SHCBP1L: variants seen among roughly 807,000 people sequenced by gnomAD.
SHCBP1L encodes the protein testicular spindle-associated protein SHCBP1L.
A neutral mutation model predicts 62.5 loss-of-function variants in SHCBP1L; 67 were observed. The ratio of observed to expected loss-of-function variants is 1.07; its 90% CI spans 0.88 to 1.31. The LOEUF is 1.31. SHCBP1L is among the 40% of genes most tolerant of loss of function. SHCBP1L has a pLI of 0.00. For missense variants in SHCBP1L, 823 were observed against 809.8 expected (o/e 1.02, Z -0.20); for synonymous variants, 284 against 289.4 (o/e 0.98, Z 0.19).
chr1:182,947,047 G>A lies in SHCBP1L; in HGVS notation c.555+4271C>T, dbSNP rs547229969. On this transcript the variant is annotated intron_variant, in intron 2 of 9. Coordinates refer to ENST00000367547, the MANE Select transcript of SHCBP1L (RefSeq NM_030933.4). ...AGGTCAAGAGTTCGAGACCAGCCTCGGCAACATGGTGAAACCTCGTCTCTA... is the reference window on the plus strand; with the variant it reads ...AGGTCAAGAGTTCGAGACCAGCCTCAGCAACATGGTGAAACCTCGTCTCTA... Among the ~76,000 whole-genome samples, 133 of 151,982 alleles carry A rather than the reference G, an allele frequency of 8.8e-4. 2 individuals are homozygous for A. The South Asian group carries it at 0.027, about 31-fold the overall frequency.
intron 2 of SHCBP1L, among the ~76,000 whole-genome samples, chr1:182,941,797 G>T (rs1651374444): frequency 6.6e-6 from 1 of 152,002 alleles, no homozygotes; most frequent in African/African-American, 2.4e-5. Context: ...TGTATTATAG[G>T]ATATAAAAAC....
chr1:182,924,903 GAGAA>G (rs1452948941), intron 6 of SHCBP1L, among the ~76,000 whole-genome samples: 16 of 115,492 alleles, frequency 1.4e-4, no homozygotes, highest in South Asian at 2.9e-4. Flanking sequence ...AAGAGAGAGA[GAGAA>G]AGAAAGGAAA....
intron 2 of SHCBP1L, among the ~76,000 whole-genome samples, chr1:182,948,001 T>C (rs1651617779): frequency 6.6e-6 from 1 of 152,238 alleles, no homozygotes; most frequent in Non-Finnish European, 1.5e-5. Context: ...AATAACATTT[T>C]CTTTTCTCTA....
chr1:182,900,060 G>A lies in SHCBP1L; in HGVS notation c.1885C>T (p.Gln629Ter), dbSNP rs1428481898. The change falls in exon 10 of 10, where the codon CAA (glutamine) becomes TAA (stop). Residue 629 changes from glutamine to a stop codon, truncating the protein, a stop_gained. Transcript: ENST00000367547. LOFTEE classifies it high-confidence loss of function. ...TTATTCATTTCCAGATTCAGATTTT[G>A]CATTACTTTGAAGAGCATTTTATCA... Reference protein sequence around the residue: ...KDDKMLFKVMQNLNLEMNNNK... With the variant: ...KDDKMLFKVM The A allele has an allele frequency of 6.2e-7, 1 of 1,612,772 alleles. No individual in the cohort carries two copies. The highest frequency in any genetic ancestry group is 1.3e-5 in the African/African-American group (1 of 74,860).
At chr1:182,926,222 C>CA (rs1004230838) in intron 6 of SHCBP1L, among the ~76,000 whole-genome samples, 35 of 151,226 alleles carry the variant, frequency 2.3e-4, no homozygotes, top group Admixed American at 6.6e-4. Context: ...AAAAAGATAC[C>CA]AAAAAAAAGA....
chr1:182,906,454 C>A (rs1180676723), intron 6 of SHCBP1L, among the ~76,000 whole-genome samples: 1 of 147,264 alleles, frequency 6.8e-6, no homozygotes, highest in Non-Finnish European at 1.5e-5. Flanking sequence ...TTTCCGAGAT[C>A]GAATTTCACT....
chr1:182,924,311 T>C (rs1271363233), intron 6 of SHCBP1L, among the ~76,000 whole-genome samples: 1 of 151,466 alleles, frequency 6.6e-6, no homozygotes, highest in Non-Finnish European at 1.5e-5. Flanking sequence ...TTTTTTTTTT[T>C]TTTTTGAGAC....
intron 2 of SHCBP1L, among the ~76,000 whole-genome samples, chr1:182,945,877 T>C (rs1651550604): frequency 1.3e-5 from 2 of 151,936 alleles, no homozygotes; most frequent in African/African-American, 2.4e-5. Flanking sequence ...CTGGTAAACA[T>C]AGTGAAACCC....
chr1:182,920,489 A>G (rs533225033), intron 6 of SHCBP1L, among the ~76,000 whole-genome samples: 3 of 152,356 alleles, frequency 2.0e-5, no homozygotes, highest in Admixed American at 6.5e-5. Flanking sequence ...GCAGTGCAAG[A>G]ACTCTGGGAA....
chr1:182,904,304 A>T lies in SHCBP1L; in HGVS notation c.1463T>A (p.Ile488Asn). ...CATGTGACCAGACTCCACCACCACG[A>T]TACCATCAACCGTCCCTTGTTGTAT... ...SLIQQGTVDGIVVVESGHMTL... is the reference protein window; with the variant it reads ...SLIQQGTVDGNVVVESGHMTL... Residue 488 changes from isoleucine (I) to asparagine (N), a missense_variant, in exon 8 of 10, where the codon ATC (isoleucine) becomes AAC (asparagine). By Grantham distance (149) the Ile-to-Asn change is moderately radical. Transcript: ENST00000367547. 1 of 1,614,146 alleles carries T rather than the reference A, an allele frequency of 6.2e-7. No individual in the cohort carries two copies.
chr1:182,916,749 A>G (rs1454410683), intron 6 of SHCBP1L, among the ~76,000 whole-genome samples: 1 of 152,206 alleles, frequency 6.6e-6, no homozygotes, highest in South Asian at 2.1e-4. Context: ...TCAGTAAGCA[A>G]AAATCTCCCA....
chr1:182,924,655 T>C (rs1189986952), intron 6 of SHCBP1L, among the ~76,000 whole-genome samples: 1 of 135,510 alleles, frequency 7.4e-6, no homozygotes, highest in African/African-American at 3.0e-5. Flanking sequence ...GATGCAGTGC[T>C]ATTCCGATCC....
intron 6 of SHCBP1L, among the ~76,000 whole-genome samples, chr1:182,920,277 C>G (rs1277410631): frequency 6.6e-6 from 1 of 152,098 alleles, no homozygotes; most frequent in African/African-American, 2.4e-5. Flanking sequence ...CTGGTACCAG[C>G]CCCCCAGGGT....
intron 5 of SHCBP1L, among the ~76,000 whole-genome samples, chr1:182,935,746 A>G (rs1290408497): frequency 6.6e-6 from 1 of 152,198 alleles, no homozygotes; most frequent in Non-Finnish European, 1.5e-5. Flanking sequence ...ACCCTTTATC[A>G]TCATGAAATG....
rs1245820396 is a variant in SHCBP1L at position 182,914,456 on chromosome 1, T to C, written c.1183-8807A>G. On this transcript the variant is annotated intron_variant, in intron 6 of 9. Transcript: ENST00000367547. Reference sequence around the variant, plus strand: ...AACAATCCTTGTAAATCCATGCTAATGGGGAAACAATGTATAAAGATGTAA... The same window carrying C: ...AACAATCCTTGTAAATCCATGCTAACGGGGAAACAATGTATAAAGATGTAA... Among the ~76,000 whole-genome samples the C allele has an allele frequency of 2.0e-5, 3 of 152,146 alleles. No individual in the cohort carries two copies. The East Asian group carries it at 5.8e-4, about 29-fold the overall frequency.
intron 6 of SHCBP1L, among the ~76,000 whole-genome samples, chr1:182,924,974 G>GAAA (rs772984933): frequency 1.8e-5 from 2 of 109,510 alleles, no homozygotes; most frequent in African/African-American, 3.8e-5. Context: ...AAGAAAGAAA[G>GAAA]AAAAAAAAAG....
chr1:182,944,464 C>G (rs1456559705), intron 2 of SHCBP1L: 1 of 147,470 alleles, frequency 6.8e-6, no homozygotes, highest in African/African-American at 2.5e-5. Flanking sequence ...CAAGATGGGG[C>G]GTGTTCAGAG....
chr1:182,916,634 C>CA (rs1465719042), intron 6 of SHCBP1L, among the ~76,000 whole-genome samples: 1 of 151,986 alleles, frequency 6.6e-6, no homozygotes, highest in East Asian at 1.9e-4. Flanking sequence ...TTCATACCAA[C>CA]AAAAATTAAG....
intron 2 of SHCBP1L, among the ~76,000 whole-genome samples, chr1:182,944,014 A>T (rs987561957): frequency 3.3e-5 from 5 of 151,438 alleles, no homozygotes; most frequent in African/African-American, 4.9e-5. Flanking sequence ...CCAGCTACTC[A>T]GGAGGCTGAG....
Sources: allele counts gnomAD v4.1 joint callset (sites outside exome capture counted in the v4.1 genomes callset), GRCh38; gene constraint gnomAD v4.1.1; transcripts MANE v1.5; gene names NCBI Gene and HGNC (gene_info 2026-07-23, HGNC 2026-07-21).